Variants in STK24 observed in about 807,000 individuals in gnomAD.
STK24 encodes the protein serine/threonine-protein kinase 24.
In STK24, 21 loss-of-function variants were observed where a neutral mutation model predicts 55.6. The ratio of observed to expected loss-of-function variants is 0.38; its 90% CI spans 0.27 to 0.54. The LOEUF is 0.54. STK24 is among the 20% of genes least tolerant of loss of function. STK24 has a pLI of 0.79. For synonymous variants in STK24, 200 were observed against 215.2 expected, an observed-to-expected ratio of 0.93 and a Z score of 0.62; for missense variants, 383 against 538.4, an observed-to-expected ratio of 0.71 and a Z score of 2.86.
intron 1 of STK24, chr13:98,542,698 CAT>C (rs72217572): frequency 0.023 from 8,190 of 352,582 alleles, 666 homozygotes; most frequent in African/African-American, 0.17. Flanking sequence ...GGTTCCTTTC[CAT>C]ATTAGTCCCT....
intron 7 of STK24, 67 bp from the exon 8 acceptor site, chr13:98,461,964 C>A: frequency 6.3e-7 from 1 of 1,591,430 alleles, no homozygotes; most frequent in Non-Finnish European, 8.6e-7. Flanking sequence ...CTGGGACGTT[C>A]AGGGGGAGGC....
At chr13:98,570,540 CAG>C in intron 1 of STK24, among the ~76,000 whole-genome samples, 1 of 152,288 alleles carries the variant, frequency 6.6e-6, no homozygotes, top group East Asian at 1.9e-4. Context: ...CAGATACCAA[CAG>C]AGCGCAGAAC....
chr13:98,550,987 C>T (rs1328990708), intron 1 of STK24, among the ~76,000 whole-genome samples: 1 of 152,006 alleles, frequency 6.6e-6, no homozygotes, highest in Admixed American at 6.6e-5. Flanking sequence ...TGTGACCAGC[C>T]TATAAAAATC....
At chr13:98,458,760 C>A (rs564622411) in intron 9 of STK24, among the ~76,000 whole-genome samples, 1 of 152,322 alleles carries the variant, frequency 6.6e-6, no homozygotes, top group Non-Finnish European at 1.5e-5. Context: ...GGACCCATCA[C>A]TGACTTCAGG....
intron 2 of STK24, among the ~76,000 whole-genome samples, chr13:98,489,219 T>C (rs1894925743): frequency 1.3e-5 from 2 of 152,208 alleles, no homozygotes; most frequent in African/African-American, 4.8e-5. Context: ...AGTGAGGCCG[T>C]GTACACAGCA....
rs1892923892 is a variant in STK24, at chr13:98,447,512, G to T, written c.*5661C>A. 1 of 152,382 alleles carries T rather than the reference G, an allele frequency of 6.6e-6. No homozygotes were observed. The highest frequency in any genetic ancestry group is 1.5e-5 in the Non-Finnish European group (1 of 68,214). The allele number at this position is 152,382 out of a possible 1,614,324, so 9.4% of individuals were successfully genotyped here. A position where few individuals can be genotyped will look rare whatever the true frequency, so the allele number is the denominator to read the frequency against. On this transcript the variant is annotated 3_prime_UTR_variant, in exon 11 of 11. Transcript: ENST00000539966. ...TCCTGAAAGGCCTGGGACAAGGCCA[G>T]GTAATTTGGGGAGTCCGTCCTGCAT...
chr13:98,447,283 C>T lies in STK24; in HGVS notation c.*5890G>A, dbSNP rs1892907422. The T allele has an allele frequency of 6.5e-6, 1 of 154,604 alleles. No homozygotes were observed. The highest frequency in any genetic ancestry group is 2.0e-4 in the South Asian group (1 of 4,972). The allele number at this position is 154,604 out of a possible 1,614,324, so 9.6% of individuals were successfully genotyped here. Reference sequence around the variant, plus strand: ...TGTGCAGTTTGCCCTGCTGAGCCCTCCTCGCCCCGGGAGGCAGAAGGGGAG... The same window carrying T: ...TGTGCAGTTTGCCCTGCTGAGCCCTTCTCGCCCCGGGAGGCAGAAGGGGAG... On this transcript the variant is annotated 3_prime_UTR_variant, in exon 11 of 11. Transcript: ENST00000539966.
At chr13:98,459,180 G>A (rs1160444117) in intron 9 of STK24, among the ~76,000 whole-genome samples, 1 of 152,192 alleles carries the variant, frequency 6.6e-6, no homozygotes, top group Non-Finnish European at 1.5e-5. Context: ...AAATCCCACG[G>A]GGCCAACTCC....
rs1893167695 is a variant in STK24, at chr13:98,451,088, AC to A, written c.*2084del. 6.6e-6 allele frequency: 1 copy of A among 152,178 alleles called. No homozygotes were observed. The allele number at this position is 152,178 out of a possible 1,614,324, so 9.4% of individuals were successfully genotyped here. A position where few individuals can be genotyped will look rare whatever the true frequency, so the allele number is the denominator to read the frequency against. On this transcript the variant is annotated 3_prime_UTR_variant, in exon 11 of 11. Transcript: ENST00000539966. ...TAGAACCCAGTCCCTCGAGCGGCTC[AC>A]CCACTGTTACTAGCATGAGACTGGC...
intron 2 of STK24, among the ~76,000 whole-genome samples, chr13:98,516,260 C>T (rs185436639): frequency 1.9e-4 from 29 of 152,288 alleles, no homozygotes; most frequent in Admixed American, 5.2e-4. Context: ...CTTTAAAATC[C>T]GGGCCAACTT....
At chr13:98,529,470 C>T (rs1896522256) in intron 1 of STK24, among the ~76,000 whole-genome samples, 1 of 152,142 alleles carries the variant, frequency 6.6e-6, no homozygotes, top group African/African-American at 2.4e-5. Context: ...GACCCACTGC[C>T]CTTCACACTG....
chr13:98,510,301 C>T (rs1397694753), intron 2 of STK24, among the ~76,000 whole-genome samples: 1 of 152,212 alleles, frequency 6.6e-6, no homozygotes, highest in South Asian at 2.1e-4. Flanking sequence ...GAAAGGCACA[C>T]GGTCATCACC....
chr13:98,473,704 A>T (rs2139284061), intron 5 of STK24, among the ~76,000 whole-genome samples: 1 of 152,308 alleles, frequency 6.6e-6, no homozygotes, highest in East Asian at 1.9e-4. Context: ...AGAGGCTGTC[A>T]AGGCCATCAT....
intron 1 of STK24, among the ~76,000 whole-genome samples, chr13:98,561,936 C>T (rs1485675327): frequency 7.0e-6 from 1 of 142,298 alleles, no homozygotes; most frequent in Non-Finnish European, 1.5e-5. Flanking sequence ...GAGATCCCAC[C>T]ATTGCACTCC....
rs1221948601 is a variant in STK24 at position 98,543,323 on chromosome 13, T to A, written c.43-23850A>T. 3.3e-5 allele frequency among the ~76,000 whole-genome samples: 5 copies of A among 152,146 alleles called. No individual in the cohort carries two copies. In the South Asian group the frequency reaches 8.3e-4, roughly 25 times the overall value. ...GCGGCTCTCTCAGTACAACTCAACT[T>A]TGATTCGGCACTCAGATTTGAGAAA... is the stretch of plus-strand genomic sequence containing the variant. On this transcript the variant is annotated intron_variant, in intron 1 of 10. Coordinates refer to ENST00000539966, the MANE Select transcript of STK24 (RefSeq NM_001032296.4).
chr13:98,519,577 G>T, intron 1 of STK24, 104 bp from the exon 2 acceptor site: 2 of 893,424 alleles, frequency 2.2e-6, no homozygotes, highest in Non-Finnish European at 3.5e-6. Flanking sequence ...GTCTTCCAGG[G>T]ACTCATCTAT....
intron 1 of STK24, among the ~76,000 whole-genome samples, chr13:98,566,086 A>ACCCACAC (rs1313943781): frequency 1.3e-5 from 2 of 151,992 alleles, no homozygotes; most frequent in African/African-American, 4.8e-5. Flanking sequence ...GACCACAAGG[A>ACCCACAC]CCCACACCGC....
chr13:98,528,786 C>A (rs949092285), intron 1 of STK24, among the ~76,000 whole-genome samples: 4 of 152,196 alleles, frequency 2.6e-5, no homozygotes, highest in Non-Finnish European at 5.9e-5. Flanking sequence ...CTGGTTGAAA[C>A]CAAGCTTCTC....
chr13:98,473,990 G>C (rs1399390971), intron 5 of STK24, among the ~76,000 whole-genome samples: 1 of 152,212 alleles, frequency 6.6e-6, no homozygotes, highest in African/African-American at 2.4e-5. Context: ...TTAGGTATTT[G>C]TTTGCTCAGA....
Sources: gnomAD v4.1 joint callset for allele counts (sites outside exome capture counted in the v4.1 genomes callset) on GRCh38, gnomAD v4.1.1 for gene constraint, MANE v1.5 for transcripts, NCBI Gene and HGNC (gene_info 2026-07-23, HGNC 2026-07-21) for gene names.